Variants in CDH12 observed in about 807,000 individuals in gnomAD.
CDH12 encodes cadherin 12, also known as cadherin-12.
A neutral mutation model predicts 74.1 loss-of-function variants in CDH12; 41 were observed. The observed-to-expected ratio is 0.55, with a 90% CI of 0.43 to 0.72. The LOEUF (loss-of-function observed/expected upper bound fraction) is 0.72. Ranked by LOEUF, CDH12 falls within the 30% of genes least tolerant of loss-of-function variation. The pLI, the probability that CDH12 is intolerant of heterozygous loss-of-function variation, is 0.00. For synonymous variants in CDH12, 399 were observed against 355.0 expected, an observed-to-expected ratio of 1.12 and a Z score of -1.39; for missense variants, 945 against 977.2, an observed-to-expected ratio of 0.97 and a Z score of 0.44.
chr5:21,823,318 A>G (rs1029446407), intron 8 of CDH12, among the ~76,000 whole-genome samples: 1 of 152,138 alleles, frequency 6.6e-6, no homozygotes, highest in African/African-American at 2.4e-5. Context: ...AAGTAACCAT[A>G]TGACAAAGGT....
chr5:21,816,439 A>C (rs926287648), intron 9 of CDH12, among the ~76,000 whole-genome samples: 6 of 151,638 alleles, frequency 4.0e-5, no homozygotes, highest in Non-Finnish European at 8.8e-5. Context: ...AGCCTGACCA[A>C]CATGGTGAAA....
intron 1 of CDH12, among the ~76,000 whole-genome samples, chr5:22,627,959 GA>G (rs1473899438): frequency 6.6e-6 from 1 of 151,898 alleles, no homozygotes; most frequent in Non-Finnish European, 1.5e-5. Flanking sequence ...AGACATAACA[GA>G]CTTTAATCCA....
intron 6 of CDH12, among the ~76,000 whole-genome samples, chr5:21,869,375 G>C (rs1216598915): frequency 1.3e-5 from 2 of 152,112 alleles, no homozygotes; most frequent in African/African-American, 4.8e-5. Context: ...GGAAGGCAAA[G>C]GGAATACAGA....
At chr5:21,791,248 A>G (rs757486062) in intron 10 of CDH12, among the ~76,000 whole-genome samples, 3 of 152,056 alleles carry the variant, frequency 2.0e-5, no homozygotes, top group African/African-American at 4.8e-5. Flanking sequence ...GTGATATTTT[A>G]TCCAGTATAG....
intron 4 of CDH12, among the ~76,000 whole-genome samples, chr5:22,146,344 T>C (rs1237184431): frequency 1.3e-5 from 2 of 152,064 alleles, no homozygotes; most frequent in Non-Finnish European, 2.9e-5. Flanking sequence ...CATGAAAACA[T>C]TTTTGTTATA....
At chr5:22,208,998 C>T (rs1751383470) in intron 4 of CDH12, among the ~76,000 whole-genome samples, 3 of 152,098 alleles carry the variant, frequency 2.0e-5, no homozygotes, top group South Asian at 4.2e-4. Flanking sequence ...CACATATATG[C>T]CTTGATCATA....
intron 1 of CDH12, among the ~76,000 whole-genome samples, chr5:22,522,299 C>T (rs1012717202): frequency 6.6e-6 from 1 of 152,132 alleles, no homozygotes; most frequent in African/African-American, 2.4e-5. Flanking sequence ...TATAAACTGA[C>T]CAAGTTTCCA....
intron 1 of CDH12, among the ~76,000 whole-genome samples, chr5:22,610,994 A>G (rs564759206): frequency 6.6e-6 from 1 of 152,178 alleles, no homozygotes; most frequent in South Asian, 2.1e-4. Context: ...TTCATCCCCA[A>G]ACTGTTACTT....
chr5:21,806,122 G>C (rs1747414263), intron 9 of CDH12, among the ~76,000 whole-genome samples: 1 of 152,110 alleles, frequency 6.6e-6, no homozygotes, highest in South Asian at 2.1e-4. Flanking sequence ...GGGAGGAATT[G>C]GGGAAGGGGG....
chr5:22,126,999 A>T lies in CDH12; in HGVS notation c.-186-48137T>A, dbSNP rs538414919. Among the ~76,000 whole-genome samples the T allele has an allele frequency of 1.2e-3, 181 of 152,348 alleles. 2 individuals carry two copies. Among genetic ancestry groups the T allele is most frequent in the African/African-American group, 4.2e-3 (173 of 41,588 alleles). ...TGAGGAAGCGAACATGTGTTAAAAG[A>T]GGGACTTCTGGCTAATTTTACAAAG... On this transcript the variant is annotated intron_variant, in intron 4 of 14. Coordinates refer to ENST00000382254, the MANE Select transcript of CDH12 (RefSeq NM_004061.5).
intron 4 of CDH12, among the ~76,000 whole-genome samples, chr5:22,149,522 T>G (rs533750523): frequency 6.6e-6 from 1 of 152,320 alleles, no homozygotes; most frequent in African/African-American, 2.4e-5. Context: ...ACTCAGTCAA[T>G]GCAGAATAAG....
intron 5 of CDH12, among the ~76,000 whole-genome samples, chr5:22,027,862 G>A (rs1203761163): frequency 1.3e-5 from 2 of 152,070 alleles, no homozygotes; most frequent in South Asian, 2.1e-4. Flanking sequence ...GCTAGCTTTC[G>A]AATGTGTTTG....
At chr5:22,670,348 G>A (rs1205133802) in intron 1 of CDH12, among the ~76,000 whole-genome samples, 1 of 151,852 alleles carries the variant, frequency 6.6e-6, no homozygotes, top group Non-Finnish European at 1.5e-5. Flanking sequence ...TGTTTTCATC[G>A]GAATAAGATT....
At chr5:22,218,669 T>TGTGTCTA (rs1751907827) in intron 3 of CDH12, among the ~76,000 whole-genome samples, 1 of 151,678 alleles carries the variant, frequency 6.6e-6, no homozygotes, top group African/African-American at 2.4e-5. Flanking sequence ...CACAGGTGTA[T>TGTGTCTA]ATATGTGTCA....
chr5:21,958,867 G>A (rs1580018518), intron 6 of CDH12, among the ~76,000 whole-genome samples: 1 of 152,268 alleles, frequency 6.6e-6, no homozygotes, highest in African/African-American at 2.4e-5. Flanking sequence ...CATTTAATCT[G>A]TAAATTGATT....
At position 21,751,931 on chromosome 5, in the gene CDH12, G is replaced by A. The variant is rs778500911; in HGVS notation, c.2191C>T (p.Pro731Ser). 7 of 1,613,910 alleles carry A rather than the reference G, an allele frequency of 4.3e-6. No individual in the cohort carries two copies. Among genetic ancestry groups the A allele is most frequent in the Non-Finnish European group, 5.9e-6 (7 of 1,179,956 alleles). ...TATGTGGCCAGTGAATCGTATGGTG[G>A]GGCAGTTGGATCCACATCATTTTCC... ...LQENDVDPTA[P>S]PYDSLATYAY... is the part of the protein sequence containing the mutation. Residue 731 changes from proline (P) to serine (S), a missense_variant, in exon 15 of 15, where the codon CCA (proline) becomes TCA (serine). Coordinates refer to ENST00000382254, the MANE Select transcript of CDH12 (RefSeq NM_004061.5).
chr5:22,692,394 G>A (rs1742129429), intron 1 of CDH12, among the ~76,000 whole-genome samples: 1 of 152,106 alleles, frequency 6.6e-6, no homozygotes, highest in African/African-American at 2.4e-5. Context: ...TGCCTCCATG[G>A]CTTCTTCACA....
chr5:22,649,324 A>T (rs1739608015), intron 1 of CDH12, among the ~76,000 whole-genome samples: 1 of 152,040 alleles, frequency 6.6e-6, no homozygotes, highest in South Asian at 2.1e-4. Flanking sequence ...ATGAAAACTT[A>T]GGTGACTTGC....
intron 4 of CDH12, among the ~76,000 whole-genome samples, chr5:22,113,085 T>C (rs1337215994): frequency 1.3e-5 from 2 of 152,146 alleles, no homozygotes; most frequent in Non-Finnish European, 2.9e-5. Flanking sequence ...GCCCTACAAA[T>C]CATAAATTCT....
Sources: allele counts gnomAD v4.1 joint callset (sites outside exome capture counted in the v4.1 genomes callset), GRCh38; gene constraint gnomAD v4.1.1; transcripts MANE v1.5; gene names NCBI Gene and HGNC (gene_info 2026-07-23, HGNC 2026-07-21).